DCC: variants seen among roughly 807,000 people sequenced by gnomAD.
DCC encodes the protein netrin receptor DCC.
A neutral mutation model predicts 172.5 loss-of-function variants in DCC; 58 were observed. The observed-to-expected ratio is 0.34, with a 90% CI of 0.27 to 0.42. The LOEUF (loss-of-function observed/expected upper bound fraction) is 0.42, where lower values mean the gene tolerates loss of function less well. DCC is among the 10% of genes least tolerant of loss of function. The pLI is 1.00. For missense variants in DCC, 1,740 were observed against 1,791.0 expected, an observed-to-expected ratio of 0.97 and a Z score of 0.51; for synonymous variants, 709 against 644.5, an observed-to-expected ratio of 1.10 and a Z score of -1.52.
intron 27 of DCC, among the ~76,000 whole-genome samples, chr18:53,517,703 C>CAAAT (rs2046353582): frequency 6.6e-6 from 1 of 151,940 alleles, no homozygotes; most frequent in African/African-American, 2.4e-5. Context: ...CCCCAGTGGT[C>CAAAT]AAATAGGCTG....
At chr18:52,528,240 T>C (rs1229598868) in intron 1 of DCC, among the ~76,000 whole-genome samples, 1 of 152,210 alleles carries the variant, frequency 6.6e-6, no homozygotes, top group Non-Finnish European at 1.5e-5. Flanking sequence ...AATAAATACT[T>C]GTTGCATGAG....
intron 2 of DCC, among the ~76,000 whole-genome samples, chr18:52,813,869 C>T (rs1218478157): frequency 6.6e-6 from 1 of 152,166 alleles, no homozygotes; most frequent in Admixed American, 6.5e-5. Context: ...GCAACAATGA[C>T]TCATCTTCTG....
At chr18:53,472,728 C>T (rs1289171943) in intron 25 of DCC, among the ~76,000 whole-genome samples, 1 of 152,164 alleles carries the variant, frequency 6.6e-6, no homozygotes, top group Non-Finnish European at 1.5e-5. Context: ...GTCTTCCCGG[C>T]TCTAGCATCT....
chr18:52,684,585 C>T (rs1358903174), intron 1 of DCC, among the ~76,000 whole-genome samples: 1 of 152,050 alleles, frequency 6.6e-6, no homozygotes, highest in East Asian at 1.9e-4. Flanking sequence ...AAGTCTCTGA[C>T]ATTTTGCATA....
intron 27 of DCC, among the ~76,000 whole-genome samples, chr18:53,521,028 T>C (rs920698599): frequency 6.6e-6 from 1 of 152,096 alleles, no homozygotes; most frequent in Non-Finnish European, 1.5e-5. Flanking sequence ...GACCTCAGTA[T>C]TCTCTTCAAC....
intron 5 of DCC, among the ~76,000 whole-genome samples, chr18:53,063,047 T>G (rs2042517761): frequency 6.6e-6 from 1 of 150,756 alleles, no homozygotes; most frequent in Admixed American, 6.7e-5. Context: ...TTATGTATGT[T>G]TTTTTTTTCC....
In DCC at chr18:53,446,696, T is replaced by A. The variant is rs1344547071; in HGVS notation, c.3230-3804T>A. Among the ~76,000 whole-genome samples, 4 of 152,330 alleles carry A rather than the reference T, an allele frequency of 2.6e-5. No individual in the cohort carries two copies. The East Asian group carries it at 7.7e-4, about 29-fold the overall frequency. On this transcript the variant is annotated intron_variant, in intron 22 of 28. Transcript: ENST00000442544. ...CAGTGTTTTCATGGCCATTCATGGA[T>A]GTGTGCAGAGCTGCAAAAATTTTGG... is the stretch of plus-strand genomic sequence containing the variant.
intron 22 of DCC, among the ~76,000 whole-genome samples, chr18:53,443,562 A>G (rs1291564640): frequency 2.6e-5 from 4 of 152,212 alleles, no homozygotes; most frequent in Non-Finnish European, 4.4e-5. Flanking sequence ...TCTGCAGCCC[A>G]TGGATCAATG....
chr18:53,466,266 G>A (rs1418532942), intron 24 of DCC, among the ~76,000 whole-genome samples: 1 of 152,088 alleles, frequency 6.6e-6, no homozygotes, highest in East Asian at 1.9e-4. Context: ...GGTCTCCTAG[G>A]AAACTTTTTT....
intron 2 of DCC, among the ~76,000 whole-genome samples, chr18:52,805,302 G>C (rs1023564109): frequency 2.6e-5 from 4 of 152,176 alleles, no homozygotes; most frequent in Non-Finnish European, 5.9e-5. Flanking sequence ...GGCACCAAAA[G>C]TCATCTTAGG....
chr18:53,254,003 A>G (rs1416118696), intron 12 of DCC, among the ~76,000 whole-genome samples: 3 of 152,014 alleles, frequency 2.0e-5, no homozygotes, highest in African/African-American at 7.2e-5. Flanking sequence ...TTTCCCTCCA[A>G]TGTATTAGCA....
chr18:53,384,555 G>A (rs937962980), intron 15 of DCC, among the ~76,000 whole-genome samples: 4 of 151,386 alleles, frequency 2.6e-5, no homozygotes, highest in Non-Finnish European at 5.9e-5. Context: ...TTTTGCTTTT[G>A]ACTTGTATTC....
At chr18:52,586,490 C>T (rs920496330) in intron 1 of DCC, among the ~76,000 whole-genome samples, 1 of 152,130 alleles carries the variant, frequency 6.6e-6, no homozygotes, top group African/African-American at 2.4e-5. Context: ...GTAGGAGGAG[C>T]CCAAAGTGTC....
chr18:52,722,909 A>ATTTCTAACAC (rs1245560170), intron 1 of DCC, among the ~76,000 whole-genome samples: 2 of 152,142 alleles, frequency 1.3e-5, no homozygotes, highest in African/African-American at 4.8e-5. Flanking sequence ...TGGGAGCTAA[A>ATTTCTAACAC]ATTAAAATTT....
At chr18:53,006,580 A>G (rs2041650231) in intron 5 of DCC, among the ~76,000 whole-genome samples, 1 of 152,206 alleles carries the variant, frequency 6.6e-6, no homozygotes, top group African/African-American at 2.4e-5. Context: ...GAAGAATCCC[A>G]CGTGAATGCT....
rs1292726340 is a variant in DCC at position 53,439,769 on chromosome 18, CT to C, written c.3229+4573del. Among the ~76,000 whole-genome samples the C allele has an allele frequency of 7.1e-4, 90 of 127,172 alleles. 1 individual carries two copies. The highest frequency in any genetic ancestry group is 1.4e-3 in the Admixed American group (17 of 12,180). The allele number at this position is 127,172 out of a possible 152,430, so 83.4% of individuals were successfully genotyped here. On this transcript the variant is annotated intron_variant, in intron 22 of 28. Transcript: ENST00000442544. ...TATGTGGTGATGTAGTAGTATTTTT[CT>C]TTTTTTTTTTTTGAGACGGAGTCTC...
At chr18:52,848,784 A>G (rs1379054273) in intron 2 of DCC, among the ~76,000 whole-genome samples, 1 of 152,134 alleles carries the variant, frequency 6.6e-6, no homozygotes, top group African/African-American at 2.4e-5. Context: ...ATATTTTTCC[A>G]TTTATGTTAA....
At chr18:52,531,325 G>T (rs962862767) in intron 1 of DCC, among the ~76,000 whole-genome samples, 19 of 152,122 alleles carry the variant, frequency 1.2e-4, no homozygotes, top group African/African-American at 4.6e-4. Flanking sequence ...GTAAGAAAAA[G>T]AATCCTCTAG....
At chr18:52,576,920 T>C (rs1447684161) in intron 1 of DCC, among the ~76,000 whole-genome samples, 2 of 152,202 alleles carry the variant, frequency 1.3e-5, no homozygotes, top group African/African-American at 4.8e-5. Flanking sequence ...ATGAGCATTA[T>C]ATTTGTGAAC....
Sources: allele counts gnomAD v4.1 joint callset (sites outside exome capture counted in the v4.1 genomes callset), GRCh38; gene constraint gnomAD v4.1.1; transcripts MANE v1.5; gene names NCBI Gene and HGNC (gene_info 2026-07-23, HGNC 2026-07-21).